BCAS3: variants seen among roughly 807,000 people sequenced by gnomAD.
BCAS3 encodes the protein BCAS3 microtubule associated cell migration factor.
In BCAS3, 53 loss-of-function variants were observed where a neutral mutation model predicts 116.1. That is an observed-to-expected ratio of 0.46 (90% CI 0.37 to 0.57). The LOEUF (loss-of-function observed/expected upper bound fraction) is 0.57, where lower values mean the gene tolerates loss of function less well. Ranked by LOEUF, BCAS3 falls within the 20% of genes least tolerant of loss-of-function variation. The pLI, the probability that BCAS3 is intolerant of heterozygous loss-of-function variation, is 0.00. For missense variants in BCAS3, 917 were observed against 1,165.4 expected (o/e 0.79, Z 3.10); for synonymous variants, 391 against 408.2 (o/e 0.96, Z 0.51).
At chr17:61,331,596 C>G (rs1359711815) in intron 22 of BCAS3, among the ~76,000 whole-genome samples, 4 of 152,056 alleles carry the variant, frequency 2.6e-5, no homozygotes, top group Non-Finnish European at 5.9e-5. Flanking sequence ...AGTTCAAGAC[C>G]CCCCTGGACA....
intron 22 of BCAS3, among the ~76,000 whole-genome samples, chr17:61,143,308 C>CTGGT (rs2077020542): frequency 6.6e-6 from 1 of 152,170 alleles, no homozygotes; most frequent in African/African-American, 2.4e-5. Context: ...TACTTTGAAA[C>CTGGT]ATTCTCAAAA....
intron 15 of BCAS3, among the ~76,000 whole-genome samples, chr17:61,005,462 T>A (rs181175362): frequency 1.1e-4 from 16 of 152,214 alleles, no homozygotes; most frequent in African/African-American, 3.9e-4. Context: ...TTATCTGCCC[T>A]GTTGTCAAAA....
rs71148400 is a variant in BCAS3, at chr17:61,271,424, A to ATTTTTT, written c.2426-96895_2426-96890dup. ...TACAGGTGTAAGCCACCATGCCCGG[A>ATTTTTT]TTTTTTTTTTTTTGTCTTAGGTGGA... On this transcript the variant is annotated intron_variant, in intron 22 of 23. Transcript: ENST00000407086. Among the ~76,000 whole-genome samples the ATTTTTT allele has an allele frequency of 5.0e-4, 35 of 70,234 alleles. 3 individuals are homozygous for ATTTTTT. The highest frequency in any genetic ancestry group is 1.1e-3 in the East Asian group (2 of 1,886). 46.1% of individuals were successfully genotyped at this position (70,234 alleles called of 152,430 possible). A position where few individuals can be genotyped will look rare whatever the true frequency, so the allele number is the denominator to read the frequency against.
chr17:60,889,837 A>T, intron 10 of BCAS3, 66 bp downstream of exon 10: 12 of 1,393,286 alleles, frequency 8.6e-6, no homozygotes, highest in Non-Finnish European at 1.2e-5. Flanking sequence ...TCCATAAAAA[A>T]TACCTGTGCT....
Position 60,874,749 on chromosome 17 carries a change from AT to A in BCAS3, c.661+19del, listed in dbSNP as rs768333656. On this transcript the variant is annotated intron_variant, in intron 9 of 23. Transcript: ENST00000407086. The stretch of plus-strand genomic sequence containing the variant: ...AATTCTTTGTTACAAGTATGTACCA[AT>A]TTTTTTTCCCTTCTTATGCCTTTGG... 39 of 1,588,422 alleles carry A rather than the reference AT, an allele frequency of 2.5e-5. No homozygotes were observed. The highest frequency in any genetic ancestry group is 6.8e-5 in the South Asian group (6 of 88,286).
rs2066873370 is a variant in BCAS3 at position 61,034,549 on chromosome 17, G to A, written c.1638-117G>A. On this transcript the variant is annotated intron_variant, in intron 16 of 23. Transcript: ENST00000407086. The surrounding 1 kb of genome is among the most constrained non-coding windows in gnomAD (Gnocchi z 5.0). ...CACCATTTATTACTTAAGGCAAAAT[G>A]CATGTTCATACTGGAGGATTTGAAT... 5.7e-6 allele frequency: 5 copies of A among 881,888 alleles called. No homozygotes were observed. Among genetic ancestry groups the A allele is most frequent in the Non-Finnish European group, 5.0e-6 (3 of 599,692 alleles). 54.6% of individuals were successfully genotyped at this position (881,888 alleles called of 1,614,324 possible).
intron 4 of BCAS3, among the ~76,000 whole-genome samples, chr17:60,701,805 C>CAAAAAAAAAAAAA (rs71370178): frequency 1.6e-4 from 12 of 77,046 alleles, no homozygotes; most frequent in African/African-American, 6.1e-4. Context: ...ACTAAAAATA[C>CAAAAAAAAAAAAA]AAAAAAAAAA....
intron 22 of BCAS3, among the ~76,000 whole-genome samples, chr17:61,138,032 C>T (rs1433209096): frequency 6.6e-6 from 1 of 152,126 alleles, no homozygotes; most frequent in East Asian, 1.9e-4. Flanking sequence ...CATCAGTTCT[C>T]ATCTTTCAGA....
At chr17:61,308,116 G>A (rs1256729780) in intron 22 of BCAS3, among the ~76,000 whole-genome samples, 4 of 151,844 alleles carry the variant, frequency 2.6e-5, no homozygotes, top group Middle Eastern at 3.4e-3. Flanking sequence ...TGGAGTTCAC[G>A]CATCCCAGCA....
rs980123296 is a variant in BCAS3, at chr17:61,244,857, C to T, written c.2426-123470C>T. On this transcript the variant is annotated intron_variant, in intron 22 of 23. Transcript: ENST00000407086. The surrounding 1 kb of genome is among the most constrained non-coding windows in gnomAD (Gnocchi z 4.9). ...CAGCCTGAGCAACAGAGTGAGACTCCGTCTCAAAAAAAATAAATAAATAAA... is the reference window on the plus strand; with the variant it reads ...CAGCCTGAGCAACAGAGTGAGACTCTGTCTCAAAAAAAATAAATAAATAAA... 9.2e-5 allele frequency among the ~76,000 whole-genome samples: 14 copies of T among 151,506 alleles called. No individual in the cohort carries two copies. Among genetic ancestry groups the T allele is most frequent in the African/African-American group, 2.2e-4 (9 of 41,260 alleles).
chr17:60,984,541 T>G (rs942437502), intron 14 of BCAS3, among the ~76,000 whole-genome samples: 1 of 152,116 alleles, frequency 6.6e-6, no homozygotes, highest in South Asian at 2.1e-4. Context: ...GTACTTGAAA[T>G]ATTTTGATAC....
rs188329887 is a variant in BCAS3 at position 61,141,886 on chromosome 17, C to G, written c.2425+57322C>G. The stretch of plus-strand genomic sequence containing the variant: ...ACTGCACTCCAGCCTGGTGACAGAG[C>G]GAGACCCCACCTCAAGAAAAAAAAA... On this transcript the variant is annotated intron_variant, in intron 22 of 23. Transcript: ENST00000407086. This position sits in a 1 kb window ranked among gnomAD's most constrained non-coding sequence, Gnocchi z 4.3. Among the ~76,000 whole-genome samples the G allele has an allele frequency of 7.5e-6, 1 of 133,152 alleles. No individual in the cohort carries two copies. Among genetic ancestry groups the G allele is most frequent in the Non-Finnish European group, 1.5e-5 (1 of 64,886 alleles). The allele number at this position is 133,152 out of a possible 152,430, so 87.4% of individuals were successfully genotyped here. A position where few individuals can be genotyped will look rare whatever the true frequency, so the allele number is the denominator to read the frequency against.
At position 61,162,257 on chromosome 17, in the gene BCAS3, G is replaced by C. The variant is rs1370014963; in HGVS notation, c.2425+77693G>C. 6.6e-6 allele frequency among the ~76,000 whole-genome samples: 1 copy of C among 152,186 alleles called. No homozygotes were observed. Among genetic ancestry groups the C allele is most frequent in the Non-Finnish European group, 1.5e-5 (1 of 68,022 alleles). ...ACAGGAGTGGGTATGGTTCACATAG[G>C]AAGTGGGAGCCTAGTTAAGATTCCG... On this transcript the variant is annotated intron_variant, in intron 22 of 23. Transcript: ENST00000407086. This position sits in a 1 kb window ranked among gnomAD's most constrained non-coding sequence, Gnocchi z 5.6.
rs2143830641 is a variant in BCAS3, at chr17:61,124,950, G to A, written c.2425+40386G>A. ...TGACAATGGCAAAGTGAGGAGTGGG[G>A]AGATGTAAGACAAATTCCCTTTTCT... On this transcript the variant is annotated intron_variant, in intron 22 of 23. Coordinates refer to ENST00000407086, the MANE Select transcript of BCAS3 (RefSeq NM_017679.5). This position sits in a 1 kb window ranked among gnomAD's most constrained non-coding sequence, Gnocchi z 4.6. 6.6e-6 allele frequency among the ~76,000 whole-genome samples: 1 copy of A among 152,286 alleles called. No homozygotes were observed. The highest frequency in any genetic ancestry group is 1.9e-4 in the East Asian group (1 of 5,186).
chr17:61,194,468 A>G (rs1264598317), intron 22 of BCAS3, among the ~76,000 whole-genome samples: 1 of 151,998 alleles, frequency 6.6e-6, no homozygotes, highest in Non-Finnish European at 1.5e-5. Context: ...AGCCGGGCGC[A>G]GTGGCTCACT....
In BCAS3 at chr17:61,380,702, A is replaced by C; in HGVS notation, c.2594-11275A>C. 1.3e-6 allele frequency: 1 copy of C among 754,128 alleles called. No homozygotes were observed. Among genetic ancestry groups the C allele is most frequent in the South Asian group, 1.6e-5 (1 of 61,062 alleles). 46.7% of individuals were successfully genotyped at this position (754,128 alleles called of 1,614,324 possible). A position where few individuals can be genotyped will look rare whatever the true frequency, so the allele number is the denominator to read the frequency against. On this transcript the variant is annotated intron_variant, in intron 23 of 23. Transcript: ENST00000407086. This position sits in a 1 kb window ranked among gnomAD's most constrained non-coding sequence, Gnocchi z 4.2. Reference sequence around the variant, plus strand: ...CTCTAGGGAGGGCAGGGGTCAGCTCAGATGGGAGGTCTCTTCTGGAAGGGG... The same window carrying C: ...CTCTAGGGAGGGCAGGGGTCAGCTCCGATGGGAGGTCTCTTCTGGAAGGGG...
chr17:60,835,985 G>A (rs1204989837), intron 7 of BCAS3, among the ~76,000 whole-genome samples: 1 of 152,036 alleles, frequency 6.6e-6, no homozygotes, highest in African/African-American at 2.4e-5. Flanking sequence ...TTAAAAAATG[G>A]ATTCTCTAAA....
At chr17:61,372,047 C>T (rs1263785792) in intron 23 of BCAS3, among the ~76,000 whole-genome samples, 1 of 152,238 alleles carries the variant, frequency 6.6e-6, no homozygotes, top group Non-Finnish European at 1.5e-5. Flanking sequence ...ACCCTTCCAT[C>T]TTTCCATTCG....
intron 22 of BCAS3, among the ~76,000 whole-genome samples, chr17:61,271,423 G>GGTTTTTTTTTTTTTTTTT (rs1428434597): frequency 1.6e-4 from 1 of 6,098 alleles, no homozygotes; most frequent in Non-Finnish European, 3.6e-4. Flanking sequence ...ACCATGCCCG[G>GGTTTTTTTTTTTTTTTTT]ATTTTTTTTT....
Sources: gnomAD v4.1 joint callset for allele counts (sites outside exome capture counted in the v4.1 genomes callset) on GRCh38, gnomAD v4.1.1 for gene constraint, Gnocchi (gnomAD v3.1) non-coding constraint, MANE v1.5 for transcripts, NCBI Gene and HGNC (gene_info 2026-07-23, HGNC 2026-07-21) for gene names.